Variants in RFPL1 observed in about 807,000 individuals in gnomAD.
RFPL1 encodes the protein ret finger protein like 1, also known as ret finger protein-like 1.
Under a neutral mutation model 9.6 loss-of-function variants are expected in RFPL1, and 6 were observed. That is an observed-to-expected ratio of 0.62 (90% CI 0.34 to 1.23). The LOEUF is 1.23. RFPL1 is among the 50% of genes most tolerant of loss of function. The pLI, the probability that RFPL1 is intolerant of heterozygous loss-of-function variation, is 0.03. For synonymous variants in RFPL1, 145 were observed against 149.4 expected (o/e 0.97, Z 0.22); for missense variants, 352 against 398.4 (o/e 0.88, Z 0.99).
At chr22:29,419,571 G>A in the RFPL1 span, among the ~76,000 whole-genome samples, 1 of 152,018 alleles carries the variant, frequency 6.6e-6, no homozygotes, top group African/African-American at 2.4e-5. Flanking sequence ...TTGGGAGGTC[G>A]AGGGAGGCAG....
At chr22:29,388,290 G>A in the RFPL1 span, 1 of 152,532 alleles carries the variant, frequency 6.6e-6, no homozygotes, top group Non-Finnish European at 1.5e-5. Flanking sequence ...TCCTCCTCTG[G>A]CTGGGGACGT....
the RFPL1 span, among the ~76,000 whole-genome samples, chr22:29,404,632 A>G: frequency 3.3e-5 from 5 of 152,250 alleles, no homozygotes; most frequent in Non-Finnish European, 7.3e-5. Context: ...TCTTTTAAAA[A>G]AAATTTCCTT....
At chr22:29,401,258 C>T in the RFPL1 span, among the ~76,000 whole-genome samples, 2 of 152,204 alleles carry the variant, frequency 1.3e-5, no homozygotes, top group Non-Finnish European at 2.9e-5. Flanking sequence ...AAAGTAATCA[C>T]TAAAAAATTG....
At chr22:29,440,310 A>G (rs193229460) in intron 1 of RFPL1, 6 of 152,284 alleles carry the variant, frequency 3.9e-5, no homozygotes, top group Middle Eastern at 3.4e-3. Context: ...TCAAACAGCA[A>G]TCAGTCTCCT....
the RFPL1 span, among the ~76,000 whole-genome samples, chr22:29,390,543 G>A: frequency 6.6e-6 from 1 of 151,146 alleles, no homozygotes; most frequent in Non-Finnish European, 1.5e-5. Context: ...TGGTGGTGTT[G>A]GTAAAATACC....
chr22:29,391,561 G>A, the RFPL1 span, among the ~76,000 whole-genome samples: 4 of 152,318 alleles, frequency 2.6e-5, no homozygotes, highest in East Asian at 7.7e-4. Context: ...GAGAGCTTAT[G>A]TGCAAGTGGC....
the RFPL1 span, among the ~76,000 whole-genome samples, chr22:29,430,278 CTCAG>C: frequency 6.6e-6 from 1 of 152,164 alleles, no homozygotes; most frequent in Admixed American, 6.5e-5. Context: ...ATCACCCCAT[CTCAG>C]CCTCTCAAGT....
intron 1 of RFPL1, 118 bp from the exon 2 acceptor site, chr22:29,441,424 G>A (rs1339472521): frequency 8.0e-7 from 1 of 1,247,974 alleles, no homozygotes; most frequent in Non-Finnish European, 1.1e-6. Context: ...TTTTGATTTT[G>A]GGGGAAGAAG....
At chr22:29,429,111 A>G in the RFPL1 span, among the ~76,000 whole-genome samples, 1 of 152,156 alleles carries the variant, frequency 6.6e-6, no homozygotes, top group Non-Finnish European at 1.5e-5. Flanking sequence ...TCTGGAGTGC[A>G]GTGGCATGAT....
the RFPL1 span, among the ~76,000 whole-genome samples, chr22:29,426,078 C>G: frequency 6.6e-6 from 1 of 151,382 alleles, no homozygotes; most frequent in Non-Finnish European, 1.5e-5. Context: ...ATCCCAGTAC[C>G]TTGGGAGGCC....
At chr22:29,409,212 C>A in the RFPL1 span, among the ~76,000 whole-genome samples, 3 of 152,206 alleles carry the variant, frequency 2.0e-5, no homozygotes, top group East Asian at 1.9e-4. Context: ...TTTATTCCCC[C>A]CTCAAAGAAA....
chr22:29,420,939 C>G, the RFPL1 span, among the ~76,000 whole-genome samples: 1 of 152,096 alleles, frequency 6.6e-6, no homozygotes, highest in Non-Finnish European at 1.5e-5. Flanking sequence ...CCGTGCCCAG[C>G]CCCCCTGAGC....
the RFPL1 span, among the ~76,000 whole-genome samples, chr22:29,432,668 T>G: frequency 6.6e-6 from 1 of 152,206 alleles, no homozygotes; most frequent in Non-Finnish European, 1.5e-5. Flanking sequence ...AAGAACCACA[T>G]GTGGCTGGAC....
chr22:29,420,422 C>T, the RFPL1 span, among the ~76,000 whole-genome samples: 1 of 152,128 alleles, frequency 6.6e-6, no homozygotes, highest in Non-Finnish European at 1.5e-5. Flanking sequence ...CTTCTGCCTC[C>T]CGGGTTCCAG....
At chr22:29,400,395 G>C in the RFPL1 span, among the ~76,000 whole-genome samples, 1 of 152,172 alleles carries the variant, frequency 6.6e-6, no homozygotes, top group South Asian at 2.1e-4. Flanking sequence ...CATGAAAAGA[G>C]CTTTTTGTAA....
chr22:29,422,798 A>AAAACACATACAC, the RFPL1 span, among the ~76,000 whole-genome samples: 1 of 113,744 alleles, frequency 8.8e-6, no homozygotes, highest in East Asian at 3.7e-4. Flanking sequence ...CATGGACGGA[A>AAAACACATACAC]ACACACACAT....
chr22:29,406,106 A>G, the RFPL1 span, among the ~76,000 whole-genome samples: 12 of 82,676 alleles, frequency 1.5e-4, 1 homozygote, highest in South Asian at 6.6e-3. Context: ...ACAGAGCGAG[A>G]CTCCTTCTCA....
the RFPL1 span, among the ~76,000 whole-genome samples, chr22:29,413,868 T>A: frequency 4.3e-4 from 66 of 152,344 alleles, no homozygotes; most frequent in South Asian, 0.013. Context: ...ACAATTAACA[T>A]TTCAAAACTT....
the RFPL1 span, among the ~76,000 whole-genome samples, chr22:29,419,931 C>T: frequency 6.6e-6 from 1 of 152,174 alleles, no homozygotes; most frequent in Non-Finnish European, 1.5e-5. Context: ...GCAGGCTCTG[C>T]TCAGCCAGGG....
Sources: gnomAD v4.1 joint callset for allele counts (sites outside exome capture counted in the v4.1 genomes callset) on GRCh38, gnomAD v4.1.1 for gene constraint, MANE v1.5 for transcripts, NCBI Gene and HGNC (gene_info 2026-07-23, HGNC 2026-07-21) for gene names.